The following SDCCAG8 variants were observed in gnomAD, a reference collection of about 807,000 sequenced individuals.
SDCCAG8 encodes the protein SHH signaling and ciliogenesis regulator SDCCAG8.
A neutral mutation model predicts 101.8 loss-of-function variants in SDCCAG8; 74 were observed. The observed-to-expected ratio is 0.73, with a 90% CI of 0.60 to 0.88. SDCCAG8 has a LOEUF of 0.88. Among genes scored for constraint, SDCCAG8 ranks in the 40% least tolerant of loss-of-function variants. The probability of loss-of-function intolerance (pLI) is 0.00; values close to 1 mark genes in which losing one functional copy is unlikely to be tolerated. For missense variants in SDCCAG8, 787 were observed against 822.6 expected (o/e 0.96, Z 0.53); for synonymous variants, 281 against 292.9 (o/e 0.96, Z 0.41).
chr1:243,401,694 A>G (rs901243848), intron 13 of SDCCAG8, among the ~76,000 whole-genome samples: 2 of 152,040 alleles, frequency 1.3e-5, no homozygotes, highest in Admixed American at 1.3e-4. Flanking sequence ...TTAAATGTGA[A>G]TATGTTTTTT....
chr1:243,492,299 T>TTTC (rs747761256), intron 17 of SDCCAG8, among the ~76,000 whole-genome samples: 1 of 111,524 alleles, frequency 9.0e-6, no homozygotes, highest in Non-Finnish European at 1.9e-5. Context: ...TCTTGGCTTT[T>TTTC]TTTTTTTTTT....
At chr1:243,497,342 G>GGT (rs1668220997) in intron 17 of SDCCAG8, among the ~76,000 whole-genome samples, 1 of 148,906 alleles carries the variant, frequency 6.7e-6, no homozygotes, top group Non-Finnish European at 1.5e-5. Flanking sequence ...ACGGGTGGGG[G>GGT]GGGGGGCGTT....
intron 9 of SDCCAG8, chr1:243,318,197 T>G (rs1203495761): frequency 1.8e-5 from 7 of 397,382 alleles, no homozygotes; most frequent in South Asian, 1.3e-4. Context: ...GATCCGATCT[T>G]TTGCAGGAAC....
intron 4 of SDCCAG8, among the ~76,000 whole-genome samples, chr1:243,276,108 C>T (rs547270576): frequency 9.2e-5 from 14 of 152,098 alleles, no homozygotes; most frequent in East Asian, 3.9e-4. Context: ...GTGATCCGTC[C>T]GCCTTGGTCT....
intron 12 of SDCCAG8, among the ~76,000 whole-genome samples, chr1:243,372,908 C>CTATATCTA (rs2077375591): frequency 1.6e-5 from 2 of 127,996 alleles, no homozygotes; most frequent in Admixed American, 7.4e-5. Flanking sequence ...ATATCTATAT[C>CTATATCTA]TATATCTATA....
intron 12 of SDCCAG8, among the ~76,000 whole-genome samples, chr1:243,362,261 C>T (rs2076763861): frequency 6.6e-6 from 1 of 151,492 alleles, no homozygotes; most frequent in African/African-American, 2.4e-5. Context: ...TCAAGTAACA[C>T]AGTAACTGGA....
intron 10 of SDCCAG8, among the ~76,000 whole-genome samples, chr1:243,333,877 G>A (rs919160807): frequency 1.3e-5 from 2 of 152,120 alleles, no homozygotes; most frequent in Non-Finnish European, 1.5e-5. Flanking sequence ...GGGAGCTAAA[G>A]ATTTAGGTGT....
At chr1:243,396,557 C>T (rs1416204613) in intron 13 of SDCCAG8, among the ~76,000 whole-genome samples, 1 of 152,120 alleles carries the variant, frequency 6.6e-6, no homozygotes, top group Admixed American at 6.5e-5. Flanking sequence ...ATACTCTCTC[C>T]CTTGGCTAAT....
At chr1:243,329,467 A>C (rs1043287095) in intron 9 of SDCCAG8, among the ~76,000 whole-genome samples, 5 of 152,216 alleles carry the variant, frequency 3.3e-5, no homozygotes, top group African/African-American at 1.2e-4. Context: ...GTGCTTACTA[A>C]GGCCATTTCC....
intron 16 of SDCCAG8, among the ~76,000 whole-genome samples, chr1:243,439,702 C>T (rs2082403728): frequency 6.7e-6 from 1 of 148,902 alleles, no homozygotes; most frequent in Non-Finnish European, 1.5e-5. Flanking sequence ...GTAGTATTGC[C>T]TTCTGTTTCT....
chr1:243,367,125 T>C (rs1311700671), intron 12 of SDCCAG8, among the ~76,000 whole-genome samples: 4 of 152,196 alleles, frequency 2.6e-5, no homozygotes, highest in Admixed American at 2.6e-4. Flanking sequence ...CTGTAATGAA[T>C]ATTCCTTTTA....
intron 4 of SDCCAG8, among the ~76,000 whole-genome samples, chr1:243,280,891 G>A (rs1324056431): frequency 1.3e-5 from 2 of 152,202 alleles, no homozygotes; most frequent in Admixed American, 6.5e-5. Flanking sequence ...GTTCTTGGAT[G>A]AAGTAGTCTA....
intron 12 of SDCCAG8, among the ~76,000 whole-genome samples, chr1:243,368,845 A>G (rs2077132277): frequency 6.6e-6 from 1 of 152,154 alleles, no homozygotes; most frequent in African/African-American, 2.4e-5. Flanking sequence ...TTCTCCTAGT[A>G]AGTGTAGTAA....
intron 16 of SDCCAG8, among the ~76,000 whole-genome samples, chr1:243,443,251 C>T (rs1259579740): frequency 6.6e-6 from 1 of 152,180 alleles, no homozygotes; most frequent in African/African-American, 2.4e-5. Context: ...AAAGTATTTG[C>T]TTGCTATTTA....
At chr1:243,277,501 T>A (rs945239029) in intron 4 of SDCCAG8, among the ~76,000 whole-genome samples, 6 of 152,234 alleles carry the variant, frequency 3.9e-5, no homozygotes, top group Non-Finnish European at 8.8e-5. Context: ...TTATTCGTTT[T>A]CTTAGTGTTG....
At chr1:243,356,714 G>A (rs922603404) in intron 12 of SDCCAG8, among the ~76,000 whole-genome samples, 2 of 152,018 alleles carry the variant, frequency 1.3e-5, no homozygotes, top group Admixed American at 6.6e-5. Context: ...GCTAGACATG[G>A]TGGCTTACTC....
intron 16 of SDCCAG8, among the ~76,000 whole-genome samples, chr1:243,429,041 G>C (rs888891816): frequency 6.6e-6 from 1 of 152,128 alleles, no homozygotes; most frequent in East Asian, 1.9e-4. Context: ...GGACCCATAC[G>C]AAGTGCCACT....
At chr1:243,331,437 A>G (rs10926992) in intron 10 of SDCCAG8, among the ~76,000 whole-genome samples, 26,704 of 152,200 alleles carry the variant, frequency 0.18, 3,028 homozygotes, top group Admixed American at 0.28. Flanking sequence ...TCAATGTGTG[A>G]TAATTAACTT....
In SDCCAG8 at chr1:243,410,136, G is replaced by A. The variant is rs555602165; in HGVS notation, c.1617-5566G>A. Among the ~76,000 whole-genome samples the A allele has an allele frequency of 3.3e-5, 5 of 152,282 alleles. No homozygotes were observed. In the East Asian group the frequency reaches 9.7e-4, roughly 29 times the overall value. On this transcript the variant is annotated intron_variant, in intron 13 of 17. Transcript: ENST00000366541. ...GTACCAGCCCATGAGAGCCAATTAT[G>A]TGTATTTCTTCCCAACTTGGTATTC...
Sources: gnomAD v4.1 joint callset for allele counts (sites outside exome capture counted in the v4.1 genomes callset) on GRCh38, gnomAD v4.1.1 for gene constraint, MANE v1.5 for transcripts, NCBI Gene and HGNC (gene_info 2026-07-23, HGNC 2026-07-21) for gene names.